The following ELP5 variants were observed in gnomAD, a reference collection of about 807,000 sequenced individuals.
ELP5 encodes elongator complex protein 5.
ELP5 carries 34 observed loss-of-function variants against 33.4 expected under a neutral mutation model. That is an observed-to-expected ratio of 1.02 (90% CI 0.78 to 1.36). The LOEUF (loss-of-function observed/expected upper bound fraction) is 1.36. Among genes scored for constraint, ELP5 ranks in the 40% most tolerant of loss-of-function variants. The pLI is 0.00. For synonymous variants in ELP5, 161 were observed against 146.4 expected (o/e 1.10, Z -0.72); for missense variants, 373 against 371.7 (o/e 1.00, Z -0.03).
chr17:7,257,197 C>T (rs1245736240), intron 5 of ELP5, among the ~76,000 whole-genome samples, 159 bp downstream of exon 5: 2 of 152,110 alleles, frequency 1.3e-5, no homozygotes, highest in Non-Finnish European at 2.9e-5. Flanking sequence ...TCTCAAACTT[C>T]TGGGCTCAAG....
In ELP5 at chr17:7,256,993, G is replaced by T; in HGVS notation, c.546G>T (p.Ser182=). Residue 182 remains serine (S), a synonymous_variant, in exon 5 of 8, where the codon TCG becomes TCT. Transcript: ENST00000396628. Reference sequence around the variant, plus strand: ...TGGGCGGTACCATGGGCCAGGCCTCGGCCCACATCCTGTGTCGGAGGCCCC... The same window carrying T: ...TGGGCGGTACCATGGGCCAGGCCTCTGCCCACATCCTGTGTCGGAGGCCCC... ...VTLGGTMGQA[S]AHILCRRPRQ... 6.2e-7 allele frequency: 1 copy of T among 1,610,004 alleles called. No individual in the cohort carries two copies.
Position 7,252,449 on chromosome 17 carries a change from G to A in ELP5, c.-102G>A. The A allele has an allele frequency of 1.3e-6, 2 of 1,554,680 alleles. No individual in the cohort carries two copies. The highest frequency in any genetic ancestry group is 2.3e-5 in the South Asian group (2 of 87,972). ...AGACTATGTTAGGTCTTAATGGTGG[G>A]AGGACGCCCGAGTGCTCGGCCCGTT... On this transcript the variant is annotated 5_prime_UTR_variant, in exon 1 of 8. Transcript: ENST00000396628.
intron 7 of ELP5, 190 bp from the exon 8 acceptor site, chr17:7,259,381 A>G: frequency 1.4e-6 from 2 of 1,430,320 alleles, no homozygotes; most frequent in East Asian, 2.5e-5. Context: ...GGAGAGCAGT[A>G]CAAGGGTATC....
chr17:7,257,498 A>T (rs1204497791), intron 5 of ELP5, among the ~76,000 whole-genome samples: 1 of 150,154 alleles, frequency 6.7e-6, no homozygotes, highest in African/African-American at 2.5e-5. Context: ...TGGTGCAATC[A>T]TAACTTACGG....
intron 5 of ELP5, among the ~76,000 whole-genome samples, chr17:7,257,435 T>C (rs962356967): frequency 6.6e-6 from 1 of 151,612 alleles, no homozygotes; most frequent in Non-Finnish European, 1.5e-5. Flanking sequence ...CTTGGAGTTT[T>C]TTTTTTTTTT....
At chr17:7,253,066 C>T (rs954195855) in intron 3 of ELP5, 68 bp downstream of exon 3, 20 of 1,487,118 alleles carry the variant, frequency 1.3e-5, no homozygotes, top group Middle Eastern at 1.7e-4. Flanking sequence ...TTCTTTACAA[C>T]AAGCGCAGAA....
chr17:7,252,281 G>GC lies in ELP5; in HGVS notation c.-266dup. 1.8e-6 allele frequency: 1 copy of GC among 548,434 alleles called. No homozygotes were observed. Among genetic ancestry groups the GC allele is most frequent in the Non-Finnish European group, 3.3e-6 (1 of 302,070 alleles). The allele number at this position is 548,434 out of a possible 1,614,324, so 34.0% of individuals were successfully genotyped here. A position where few individuals can be genotyped will look rare whatever the true frequency, so the allele number is the denominator to read the frequency against. On this transcript the variant is annotated 5_prime_UTR_variant, in exon 1 of 8. Transcript: ENST00000396628. ...CCTCCTCCCCCTCCCACTGACAACT[G>GC]CCCCAACTGCTCTTCCCGCCCCGGT...
At chr17:7,253,530 C>T (rs1327892393) in intron 3 of ELP5, among the ~76,000 whole-genome samples, 3 of 152,172 alleles carry the variant, frequency 2.0e-5, no homozygotes, top group Admixed American at 6.5e-5. Context: ...TAAGGAAGTT[C>T]CTAAACCCAG....
chr17:7,252,835 G>A lies in ELP5; in HGVS notation c.107+5G>A, dbSNP rs1567590445. The A allele has an allele frequency of 6.2e-7, 1 of 1,614,038 alleles. No homozygotes were observed. Among genetic ancestry groups the A allele is most frequent in the African/African-American group, 1.3e-5 (1 of 74,934 alleles). On this transcript the variant is annotated splice_donor_5th_base_variant and intron_variant, in intron 2 of 7. Coordinates refer to ENST00000396628, the MANE Select transcript of ELP5 (RefSeq NM_203414.3). ...TGTCAAGAAATCTGCACTGTGGTGA[G>A]TATCCCACAGTGTCTCCCCGGCCTA...
At chr17:7,254,936 T>C in intron 4 of ELP5, 133 bp downstream of exon 4, 1 of 653,336 alleles carries the variant, frequency 1.5e-6, no homozygotes. Flanking sequence ...GACTTTTTTG[T>C]CTGTTTTTTT....
At position 7,252,458 on chromosome 17, in the gene ELP5, C is replaced by G. The variant is rs770246758; in HGVS notation, c.-93C>G. On this transcript the variant is annotated 5_prime_UTR_variant, in exon 1 of 8. Coordinates refer to ENST00000396628, the MANE Select transcript of ELP5 (RefSeq NM_203414.3). ...TAGGTCTTAATGGTGGGAGGACGCC[C>G]GAGTGCTCGGCCCGTTTCACCCCGA... The G allele has an allele frequency of 1.9e-6, 3 of 1,584,520 alleles. No homozygotes were observed. Among genetic ancestry groups the G allele is most frequent in the Admixed American group, 1.7e-5 (1 of 57,872 alleles).
intron 4 of ELP5, among the ~76,000 whole-genome samples, chr17:7,256,353 AG>A (rs1032869771): frequency 6.6e-6 from 1 of 152,232 alleles, no homozygotes. Context: ...GAAAAAGAAA[AG>A]AAAAAAAAAT....
intron 4 of ELP5, among the ~76,000 whole-genome samples, chr17:7,255,606 C>T (rs987776599): frequency 2.6e-5 from 4 of 152,020 alleles, no homozygotes; most frequent in African/African-American, 9.7e-5. Context: ...TGAGACTAGC[C>T]TTGAAGTGCA....
chr17:7,258,508 G>T, intron 5 of ELP5, 80 bp from the exon 6 acceptor site: 3 of 1,365,392 alleles, frequency 2.2e-6, no homozygotes, highest in Non-Finnish European at 3.1e-6. Flanking sequence ...TAGGTGATTG[G>T]GGGCTGAGGA....
rs2072041820 is a variant in ELP5 at position 7,254,945 on chromosome 17, T to G, written c.409+142T>G. 79 of 663,388 alleles carry G rather than the reference T, an allele frequency of 1.2e-4. 1 individual carries two copies. In the South Asian group the frequency reaches 1.6e-3, roughly 13 times the overall value. 41.1% of individuals were successfully genotyped at this position (663,388 alleles called of 1,614,324 possible). A position where few individuals can be genotyped will look rare whatever the true frequency, so the allele number is the denominator to read the frequency against. The stretch of plus-strand genomic sequence containing the variant: ...TTTTTTGACTTTTTTGTCTGTTTTT[T>G]TTTTTTTTTACTTCTCCTTAATGCC... On this transcript the variant is annotated intron_variant, in intron 4 of 7. Transcript: ENST00000396628.
At chr17:7,258,795 G>T (rs565497022) in intron 6 of ELP5, 31 bp from the exon 7 acceptor site, 3 of 1,613,984 alleles carry the variant, frequency 1.9e-6, no homozygotes, top group Non-Finnish European at 2.5e-6. Context: ...CTAGGGATGG[G>T]GCAGAGTGGC....
In ELP5 at chr17:7,256,354, GA is replaced by G. The variant is rs574633065; in HGVS notation, c.410-494del. Among the ~76,000 whole-genome samples the G allele has an allele frequency of 4.2e-3, 642 of 151,564 alleles. 3 individuals are homozygous for G. The highest frequency in any genetic ancestry group is 0.014 in the Middle Eastern group (4 of 294). On this transcript the variant is annotated intron_variant, in intron 4 of 7. Coordinates refer to ENST00000396628, the MANE Select transcript of ELP5 (RefSeq NM_203414.3). ...CAAGACTCCATCTCGAAAAAGAAAA[GA>G]AAAAAAAATTGTTAAATGTCAGTGA... is the stretch of plus-strand genomic sequence containing the variant.
chr17:7,254,083 C>T (rs2072017329), intron 3 of ELP5, among the ~76,000 whole-genome samples: 1 of 151,848 alleles, frequency 6.6e-6, no homozygotes, highest in South Asian at 2.1e-4. Context: ...TGCCAGTCTC[C>T]CTTTCCTGAG....
chr17:7,253,794 G>A (rs955243185), intron 3 of ELP5, among the ~76,000 whole-genome samples: 6 of 152,102 alleles, frequency 3.9e-5, no homozygotes, highest in African/African-American at 1.4e-4. Flanking sequence ...TCTGGAGTTC[G>A]AGACCAGCCT....
Sources: allele counts gnomAD v4.1 joint callset (sites outside exome capture counted in the v4.1 genomes callset), GRCh38; gene constraint gnomAD v4.1.1; transcripts MANE v1.5; gene names NCBI Gene and HGNC (gene_info 2026-07-23, HGNC 2026-07-21).